ATP8B3: variants seen among roughly 807,000 people sequenced by gnomAD.
The protein encoded by ATP8B3 is phospholipid-transporting ATPase IK.
A neutral mutation model predicts 140.9 loss-of-function variants in ATP8B3; 141 were observed. The ratio of observed to expected loss-of-function variants is 1.00; its 90% CI spans 0.87 to 1.15. The LOEUF (loss-of-function observed/expected upper bound fraction) is 1.15, where lower values mean the gene tolerates loss of function less well. Among genes scored for constraint, ATP8B3 ranks in the 50% most tolerant of loss-of-function variants. The pLI, the probability that ATP8B3 is intolerant of heterozygous loss-of-function variation, is 0.00. For synonymous variants in ATP8B3, 765 were observed against 714.6 expected, an observed-to-expected ratio of 1.07 and a Z score of -1.13; for missense variants, 1,874 against 1,740.6, an observed-to-expected ratio of 1.08 and a Z score of -1.36.
rs1232023778 is a variant in ATP8B3, at chr19:1,806,739, C to A, written c.616-50G>T. 1 of 1,538,354 alleles carries A rather than the reference C, an allele frequency of 6.5e-7. No individual in the cohort carries two copies. The highest frequency in any genetic ancestry group is 2.4e-5 in the East Asian group (1 of 40,860). Reference sequence around the variant, plus strand: ...AGAGACCGTCCAGCCTCTCCTGCCCCCGCCCAGGCCGCTGCCGCACTGCAG... The same window carrying A: ...AGAGACCGTCCAGCCTCTCCTGCCCACGCCCAGGCCGCTGCCGCACTGCAG... On this transcript the variant is annotated intron_variant, in intron 6 of 28. Coordinates refer to ENST00000310127, the MANE Select transcript of ATP8B3 (RefSeq NM_138813.4). This position sits in a 1 kb window ranked among gnomAD's most constrained non-coding sequence, Gnocchi z 5.6.
chr19:1,801,315 C>T (rs1019984219), intron 12 of ATP8B3, among the ~76,000 whole-genome samples: 9 of 151,974 alleles, frequency 5.9e-5, no homozygotes, highest in Non-Finnish European at 1.2e-4. Flanking sequence ...CCACGCCCAG[C>T]TAATTTTCGA....
intron 12 of ATP8B3, among the ~76,000 whole-genome samples, chr19:1,801,426 C>T (rs1483653055): frequency 1.3e-5 from 2 of 152,314 alleles, no homozygotes; most frequent in East Asian, 1.9e-4. Context: ...GCTGGGATTA[C>T]AGGCATGAGC....
In ATP8B3 at chr19:1,788,763, G is replaced by A. The variant is rs148664130; in HGVS notation, c.3069+134C>T. 6.7e-4 allele frequency: 555 copies of A among 832,496 alleles called. 2 individuals carry two copies. In the African/African-American group the frequency reaches 8.3e-3, roughly 12 times the overall value. The allele number at this position is 832,496 out of a possible 1,614,324, so 51.6% of individuals were successfully genotyped here. On this transcript the variant is annotated intron_variant, in intron 24 of 28. Coordinates refer to ENST00000310127, the MANE Select transcript of ATP8B3 (RefSeq NM_138813.4). ...GCCTCCACTAACGCAGCCTTGCCATGTGGCCTCAGGCAAGCCCTGTCCACC... is the reference window on the plus strand; with the variant it reads ...GCCTCCACTAACGCAGCCTTGCCATATGGCCTCAGGCAAGCCCTGTCCACC...
Position 1,796,793 on chromosome 19 carries a change from C to T in ATP8B3, c.1671G>A (p.Gly557=). 4 of 1,612,562 alleles carry T rather than the reference C, an allele frequency of 2.5e-6. No homozygotes were observed. The highest frequency in any genetic ancestry group is 3.4e-6 in the Non-Finnish European group (4 of 1,179,648). ...GCCAGAACTCCCGCACGGCCTCGTC[C>T]CCGTTGGTCCGCACGAGGTGCAGCA... ...AALLHLVRTN[G]DEAVREFWRL... The change falls in exon 16 of 29, where the codon GGG becomes GGA. Residue 557 remains glycine, a synonymous_variant. Transcript: ENST00000310127.
rs1374321005 is a variant in ATP8B3, at chr19:1,794,308, ACCCATCCATTC to A, written c.2055+1556_2055+1566del. On this transcript the variant is annotated intron_variant, in intron 18 of 28. Coordinates refer to ENST00000310127, the MANE Select transcript of ATP8B3 (RefSeq NM_138813.4). The surrounding 1 kb of genome is among the most constrained non-coding windows in gnomAD (Gnocchi z 4.8). ...TTGACCCTTCTTCCGGCCTCAATTT[ACCCATCCATTC>A]CCTGGGGTGGCTGAGCTAAGCTGAC... Among the ~76,000 whole-genome samples the A allele has an allele frequency of 3.3e-5, 5 of 152,070 alleles. No homozygotes were observed. In the East Asian group the frequency reaches 9.7e-4, roughly 29 times the overall value.
In ATP8B3 at chr19:1,802,586, A is replaced by G. The variant is rs1294347569; in HGVS notation, c.964T>C (p.Trp322Arg). Residue 322 changes from tryptophan to arginine, a missense_variant, in exon 11 of 29, where the codon TGG (tryptophan) becomes CGG (arginine). Physicochemically the swap from Trp to Arg is moderately radical, Grantham distance 101. Around this residue, in one of 3 missense-constraint regions of ATP8B3, gnomAD observed 1,032 missense variants for 963.6 expected, o/e 1.07. Transcript: ENST00000310127. The part of the protein sequence containing the change: ...RMHHFVGCLE[W>R]NDKKYSLDIG... ...TCCAGGGAGTATTTCTTGTCATTCCATTCCAGGCACCCCACGAAGTGGTGC... is the reference window on the plus strand; with the variant it reads ...TCCAGGGAGTATTTCTTGTCATTCCGTTCCAGGCACCCCACGAAGTGGTGC... 1.2e-6 allele frequency: 2 copies of G among 1,611,412 alleles called. No homozygotes were observed. Among genetic ancestry groups the G allele is most frequent in the Non-Finnish European group, 1.7e-6 (2 of 1,179,550 alleles).
rs369893286 is a variant in ATP8B3, at chr19:1,806,175, G to A, written c.678-6C>T. 3 of 1,584,930 alleles carry A rather than the reference G, an allele frequency of 1.9e-6. No individual in the cohort carries two copies. The highest frequency in any genetic ancestry group is 2.3e-5 in the East Asian group (1 of 43,258). ...GCCATTTCTTCTGCTTGAAGCTGCG[G>A]GGAGAGGGGGTTGTGAAGGAGGCCC... is the stretch of plus-strand genomic sequence containing the variant. On this transcript the variant is annotated splice_region_variant and splice_polypyrimidine_tract_variant and intron_variant, in intron 7 of 28. Coordinates refer to ENST00000310127, the MANE Select transcript of ATP8B3 (RefSeq NM_138813.4). This position sits in a 1 kb window ranked among gnomAD's most constrained non-coding sequence, Gnocchi z 5.6.
Position 1,791,885 on chromosome 19 carries a change from G to A in ATP8B3, c.2191-24C>T, listed in dbSNP as rs374282247. 10 of 1,608,294 alleles carry A rather than the reference G, an allele frequency of 6.2e-6. No homozygotes were observed. In the Admixed American group the frequency reaches 1.0e-4, roughly 16 times the overall value. ...AGCTGGTGGGGGAGGAGGGCAGGGC[G>A]GGGAAGATGCTGAGCAGCCGTCCAG... On this transcript the variant is annotated intron_variant, in intron 19 of 28. Coordinates refer to ENST00000310127, the MANE Select transcript of ATP8B3 (RefSeq NM_138813.4).
chr19:1,787,290 CG>C, intron 24 of ATP8B3, 104 bp from the exon 25 acceptor site: 1 of 884,330 alleles, frequency 1.1e-6, no homozygotes, highest in Non-Finnish European at 1.8e-6. Flanking sequence ...TAACTCTGGT[CG>C]AGTTACACTC....
intron 4 of ATP8B3, 97 bp downstream of exon 4, chr19:1,809,546 C>T (rs1453103762): frequency 1.0e-6 from 1 of 985,186 alleles, no homozygotes; most frequent in East Asian, 2.6e-5. Flanking sequence ...CGAGCAAATA[C>T]AAGCAGAGGC....
At chr19:1,785,335 G>A (rs770205241) in intron 26 of ATP8B3, 38 bp from the exon 27 acceptor site, 11 of 1,562,446 alleles carry the variant, frequency 7.0e-6, no homozygotes, top group Admixed American at 1.9e-5. Flanking sequence ...GGGGCCTAGC[G>A]GGGCTTGCAC....
In ATP8B3 at chr19:1,784,890, C is replaced by T. The variant is rs779888089; in HGVS notation, c.3589G>A (p.Val1197Met). Residue 1197 changes from valine to methionine, a missense_variant, in exon 28 of 29, where the codon GTG (valine) becomes ATG (methionine). Physicochemically the swap from Val to Met is conservative, Grantham distance 21. Coordinates refer to ENST00000310127, the MANE Select transcript of ATP8B3 (RefSeq NM_138813.4). The stretch of plus-strand genomic sequence containing the variant: ...AGGACAGGGAAGGTGTTTATGGACA[C>T]ACTCAGCAGGACCACCAGCAGGATG... The part of the protein sequence containing the change: ...PSILLVVLLS[V>M]SINTFPVLAL... The T allele has an allele frequency of 1.2e-6, 2 of 1,613,310 alleles. No individual in the cohort carries two copies. The highest frequency in any genetic ancestry group is 1.1e-5 in the South Asian group (1 of 90,966).
Position 1,807,921 on chromosome 19 carries a change from C to CTGTTTAAG in ATP8B3, c.516+300_516+301insCTTAAACA, listed in dbSNP as rs2069076412. Among the ~76,000 whole-genome samples, 16 of 152,254 alleles carry CTGTTTAAG rather than the reference C, an allele frequency of 1.1e-4. No individual in the cohort carries two copies. Among genetic ancestry groups the CTGTTTAAG allele is most frequent in the African/African-American group, 3.9e-4 (16 of 41,476 alleles). Reference sequence around the variant, plus strand: ...GGCGGGGGCCAGGGGAGCTGCGTGGCCGAGGCCGTTTAGGCTGGGGAACAG... The same window carrying CTGTTTAAG: ...GGCGGGGGCCAGGGGAGCTGCGTGGCTGTTTAAGCGAGGCCGTTTAGGCTGGGGAACAG... On this transcript the variant is annotated intron_variant, in intron 5 of 28. Transcript: ENST00000310127. This position sits in a 1 kb window ranked among gnomAD's most constrained non-coding sequence, Gnocchi z 5.9.
chr19:1,785,074 C>G, intron 27 of ATP8B3, 85 bp downstream of exon 27: 4 of 1,482,224 alleles, frequency 2.7e-6, no homozygotes, highest in Non-Finnish European at 3.6e-6. Flanking sequence ...CTTTGCCGGA[C>G]GACTGTCATG....
Position 1,782,203 on chromosome 19 carries a change from A to G in ATP8B3, c.*825T>C, listed in dbSNP as rs1444164344. 2 of 269,354 alleles carry G rather than the reference A, an allele frequency of 7.4e-6. No individual in the cohort carries two copies. Among genetic ancestry groups the G allele is most frequent in the Non-Finnish European group, 7.2e-6 (1 of 138,666 alleles). 16.7% of individuals were successfully genotyped at this position (269,354 alleles called of 1,614,324 possible). On this transcript the variant is annotated 3_prime_UTR_variant, in exon 29 of 29. Transcript: ENST00000310127. Reference sequence around the variant, plus strand: ...GAACTGGCTGGAGCTTCTTCTTCCCAGGAAGGACATCTTCCTGATATGCCA... The same window carrying G: ...GAACTGGCTGGAGCTTCTTCTTCCCGGGAAGGACATCTTCCTGATATGCCA...
At chr19:1,810,813 T>C (rs914505931) in intron 2 of ATP8B3, 130 bp from the exon 3 acceptor site, 1 of 773,252 alleles carries the variant, frequency 1.3e-6, no homozygotes, top group Non-Finnish European at 2.0e-6. Context: ...ATCTGCAGCC[T>C]CCCCGCCAGG....
intron 28 of ATP8B3, among the ~76,000 whole-genome samples, 185 bp downstream of exon 28, chr19:1,784,634 G>A (rs2068245019): frequency 6.6e-6 from 1 of 152,206 alleles, no homozygotes; most frequent in South Asian, 2.1e-4. Context: ...CTCCCTTCTT[G>A]GGAAATCGGG....
At chr19:1,809,146 C>T (rs1183148689) in intron 4 of ATP8B3, among the ~76,000 whole-genome samples, 2 of 151,822 alleles carry the variant, frequency 1.3e-5, no homozygotes, top group South Asian at 2.1e-4. Context: ...TGCATTCCAG[C>T]CTGGGCGACA....
Position 1,785,315 on chromosome 19 carries a change from G to A in ATP8B3, c.3394-18C>T. The A allele has an allele frequency of 6.3e-7, 1 of 1,576,712 alleles. No homozygotes were observed. The highest frequency in any genetic ancestry group is 8.6e-7 in the Non-Finnish European group (1 of 1,160,332). On this transcript the variant is annotated intron_variant, in intron 26 of 28. Transcript: ENST00000310127. ...AGAATGACCTGGACAGGCAGCGGTG[G>A]GGTAAATCCGGGGCCTAGCGGGGCT...
Sources: allele counts gnomAD v4.1 joint callset (sites outside exome capture counted in the v4.1 genomes callset), GRCh38; gene constraint gnomAD v4.1.1; regional missense constraint gnomAD v4.1.1; non-coding constraint Gnocchi (gnomAD v3.1); transcripts MANE v1.5; gene names NCBI Gene and HGNC (gene_info 2026-07-23, HGNC 2026-07-21).